The following ZNF778 variants were observed in gnomAD, a reference collection of about 807,000 sequenced individuals.
The protein encoded by ZNF778 is zinc finger protein 778.
ZNF778 carries 37 observed loss-of-function variants against 23.9 expected under a neutral mutation model. The observed-to-expected ratio is 1.54, with a 90% CI of 1.19 to 2.03. ZNF778 has a LOEUF of 2.03. Among genes scored for constraint, ZNF778 ranks in the 30% most tolerant of loss-of-function variants. The pLI, the probability that ZNF778 is intolerant of heterozygous loss-of-function variation, is 0.00. For synonymous variants in ZNF778, 483 were observed against 343.9 expected, an observed-to-expected ratio of 1.40 and a Z score of -4.48; for missense variants, 1,297 against 934.4, an observed-to-expected ratio of 1.39 and a Z score of -5.06.
At chr16:89,221,332 A>T (rs2030919825) in intron 2 of ZNF778, among the ~76,000 whole-genome samples, 180 bp downstream of exon 2, 1 of 152,094 alleles carries the variant, frequency 6.6e-6, no homozygotes, top group Non-Finnish European at 1.5e-5. Context: ...TTGGGGAGGG[A>T]TGATGTGTAA....
rs572994499 is a variant in ZNF778, at chr16:89,228,621, C to G, written c.*59C>G. On this transcript the variant is annotated 3_prime_UTR_variant, in exon 7 of 7. Transcript: ENST00000433976. ...CATTCACGTTGAAGACATGAAAGACCTCTCGTTCTCCAGATGTCCATGACT... is the reference window on the plus strand; with the variant it reads ...CATTCACGTTGAAGACATGAAAGACGTCTCGTTCTCCAGATGTCCATGACT... 211 of 1,522,208 alleles carry G rather than the reference C, an allele frequency of 1.4e-4. 3 individuals carry two copies. In the African/African-American group the frequency reaches 2.6e-3, roughly 19 times the overall value. 94.3% of individuals were successfully genotyped at this position (1,522,208 alleles called of 1,614,324 possible). A position where few individuals can be genotyped will look rare whatever the true frequency, so the allele number is the denominator to read the frequency against.
At chr16:89,219,619 T>C (rs968784360) in intron 1 of ZNF778, among the ~76,000 whole-genome samples, 1 of 152,206 alleles carries the variant, frequency 6.6e-6, no homozygotes, top group African/African-American at 2.4e-5. Context: ...CTGAGTCTTA[T>C]CAGTGCTTGC....
At position 89,232,419 on chromosome 16, in the gene ZNF778, C is replaced by T. The variant is rs2031972557; in HGVS notation, c.*3857C>T. 1 of 326,132 alleles carries T rather than the reference C, an allele frequency of 3.1e-6. No homozygotes were observed. The allele number at this position is 326,132 out of a possible 1,614,324, so 20.2% of individuals were successfully genotyped here. A position where few individuals can be genotyped will look rare whatever the true frequency, so the allele number is the denominator to read the frequency against. ...GTTACCCACAGCCTCAGATATGTAGCAACACAGACAGACTAAGACACCAAG... is the reference window on the plus strand; with the variant it reads ...GTTACCCACAGCCTCAGATATGTAGTAACACAGACAGACTAAGACACCAAG... On this transcript the variant is annotated 3_prime_UTR_variant, in exon 7 of 7. Coordinates refer to ENST00000433976, the MANE Select transcript of ZNF778 (RefSeq NM_001201407.2).
At position 89,228,970 on chromosome 16, in the gene ZNF778, G is replaced by C; in HGVS notation, c.*408G>C. On this transcript the variant is annotated 3_prime_UTR_variant, in exon 7 of 7. Transcript: ENST00000433976. ...TGGTGATTGACACTTGAAGTGTTGT[G>C]AATGTATGGAAGATAGCAGTCGCTT... The C allele has an allele frequency of 3.0e-6, 3 of 999,946 alleles. No homozygotes were observed. The highest frequency in any genetic ancestry group is 3.6e-6 in the Non-Finnish European group (3 of 839,040). 61.9% of individuals were successfully genotyped at this position (999,946 alleles called of 1,614,324 possible).
In ZNF778 at chr16:89,227,241, C is replaced by T. The variant is rs571194912; in HGVS notation, c.953C>T (p.Ser318Phe). Residue 318 changes from serine to phenylalanine, a missense_variant, in exon 7 of 7, where the codon TCC (serine) becomes TTC (phenylalanine). By Grantham distance (155) the Ser-to-Phe change is radical. Coordinates refer to ENST00000433976, the MANE Select transcript of ZNF778 (RefSeq NM_001201407.2). ...PCELEECGKA[S>F]PVSSSLTQHV... ...GAATTGGAAGAATGTGGAAAAGCCTCCCCTGTTTCTTCCAGCCTAACTCAA... is the reference window on the plus strand; with the variant it reads ...GAATTGGAAGAATGTGGAAAAGCCTTCCCTGTTTCTTCCAGCCTAACTCAA... 6.2e-7 allele frequency: 1 copy of T among 1,613,290 alleles called. No individual in the cohort carries two copies. Among genetic ancestry groups the T allele is most frequent in the Non-Finnish European group, 8.5e-7 (1 of 1,179,454 alleles).
intron 1 of ZNF778, among the ~76,000 whole-genome samples, chr16:89,220,525 G>A (rs2030826339): frequency 6.6e-6 from 1 of 152,182 alleles, no homozygotes; most frequent in African/African-American, 2.4e-5. Context: ...GGGTGTGGTG[G>A]CACTCGCCTG....
rs770573700 is a variant in ZNF778 at position 89,228,565 on chromosome 16, T to C, written c.*3T>C. 6.4e-7 allele frequency: 1 copy of C among 1,563,918 alleles called. No homozygotes were observed. The highest frequency in any genetic ancestry group is 8.6e-7 in the Non-Finnish European group (1 of 1,159,816). On this transcript the variant is annotated 3_prime_UTR_variant, in exon 7 of 7. Coordinates refer to ENST00000433976, the MANE Select transcript of ZNF778 (RefSeq NM_001201407.2). ...ACACTGATGAGAAACCTTTCTAATG[T>C]AAAGAATGTGGGGAAGCTGTCAGCT...
rs974800686 is a variant in ZNF778 at position 89,231,687 on chromosome 16, C to G, written c.*3125C>G. The stretch of plus-strand genomic sequence containing the variant: ...CTGCACCCCTTGCCTGTAGGAAAAT[C>G]TGGTAGGAGTTAGTAGTGTCTGTGA... On this transcript the variant is annotated 3_prime_UTR_variant, in exon 7 of 7. Transcript: ENST00000433976. The G allele has an allele frequency of 3.3e-5, 5 of 152,156 alleles. No individual in the cohort carries two copies. The highest frequency in any genetic ancestry group is 1.2e-4 in the African/African-American group (5 of 41,402). 9.4% of individuals were successfully genotyped at this position (152,156 alleles called of 1,614,324 possible).
intron 4 of ZNF778, among the ~76,000 whole-genome samples, 165 bp downstream of exon 4, chr16:89,223,448 C>T (rs1052413758): frequency 6.6e-6 from 1 of 152,140 alleles, no homozygotes; most frequent in African/African-American, 2.4e-5. Flanking sequence ...AGAATGTGGT[C>T]CTGGGGTCAT....
At position 89,228,043 on chromosome 16, in the gene ZNF778, A is replaced by C; in HGVS notation, c.1755A>C (p.Gly585=). ...CLNKHIQIHT[G]IKPYECKDCG... is the part of the protein sequence containing the mutation. ...ATAAGCACATTCAGATTCACACTGG[A>C]ATAAAACCTTATGAATGTAAGGACT... The change falls in exon 7 of 7, where the codon GGA becomes GGC. Residue 585 remains glycine (G), a synonymous_variant. Coordinates refer to ENST00000433976, the MANE Select transcript of ZNF778 (RefSeq NM_001201407.2). 6.3e-7 allele frequency: 1 copy of C among 1,589,536 alleles called. No homozygotes were observed. The highest frequency in any genetic ancestry group is 1.1e-5 in the South Asian group (1 of 88,122).
chr16:89,228,143 T>A lies in ZNF778; in HGVS notation c.1855T>A (p.Cys619Ser). Reference sequence around the variant, plus strand: ...TCACACTGGAGAGAAACCTTATGAATGTAAAGTATGCGGAAAGGCCTTCAC... The same window carrying A: ...TCACACTGGAGAGAAACCTTATGAAAGTAAAGTATGCGGAAAGGCCTTCAC... ...RTHTGEKPYE[C>S]KVCGKAFTTS... Residue 619 changes from cysteine (C) to serine (S), a missense_variant, in exon 7 of 7, where the codon TGT (cysteine) becomes AGT (serine). Transcript: ENST00000433976. The A allele has an allele frequency of 1.9e-6, 3 of 1,613,610 alleles. No homozygotes were observed. Among genetic ancestry groups the A allele is most frequent in the Non-Finnish European group, 8.5e-7 (1 of 1,179,674 alleles).
rs201041202 is a variant in ZNF778 at position 89,227,253 on chromosome 16, C to T, written c.965C>T (p.Ser322Phe). 65 of 1,613,928 alleles carry T rather than the reference C, an allele frequency of 4.0e-5. No homozygotes were observed. In the African/African-American group the frequency reaches 8.1e-4, roughly 20 times the overall value. Reference sequence around the variant, plus strand: ...TGTGGAAAAGCCTCCCCTGTTTCTTCCAGCCTAACTCAACATGTAAGAATT... The same window carrying T: ...TGTGGAAAAGCCTCCCCTGTTTCTTTCAGCCTAACTCAACATGTAAGAATT... Reference protein sequence around the residue: ...EECGKASPVSSSLTQHVRIHA... With the variant: ...EECGKASPVSFSLTQHVRIHA... Residue 322 changes from serine (S) to phenylalanine (F), a missense_variant, in exon 7 of 7, where the codon TCC (serine) becomes TTC (phenylalanine). Transcript: ENST00000433976.
At position 89,227,921 on chromosome 16, in the gene ZNF778, G is replaced by GT; in HGVS notation, c.1636dup (p.Tyr546LeufsTer5). 6.2e-7 allele frequency: 1 copy of GT among 1,613,336 alleles called. No individual in the cohort carries two copies. The highest frequency in any genetic ancestry group is 1.1e-5 in the South Asian group (1 of 91,006). On this transcript the variant is annotated frameshift_variant, in exon 7 of 7. Coordinates refer to ENST00000433976, the MANE Select transcript of ZNF778 (RefSeq NM_001201407.2). LOFTEE classifies it low-confidence loss of function (END_TRUNC). Reference sequence around the variant, plus strand: ...GGACTGTGGGAAAGCCTACAATAGGGTTTATCTACTGAATGAGCATGTGAA... The same window carrying GT: ...GGACTGTGGGAAAGCCTACAATAGGGTTTTATCTACTGAATGAGCATGTGAA...
Position 89,232,399 on chromosome 16 carries a change from C to T in ZNF778, c.*3837C>T, listed in dbSNP as rs2031971437. On this transcript the variant is annotated 3_prime_UTR_variant, in exon 7 of 7. Coordinates refer to ENST00000433976, the MANE Select transcript of ZNF778 (RefSeq NM_001201407.2). ...CCAAATAAGCCTCTTTCTAAGTTAC[C>T]CACAGCCTCAGATATGTAGCAACAC... 1 of 303,216 alleles carries T rather than the reference C, an allele frequency of 3.3e-6. No individual in the cohort carries two copies. The allele number at this position is 303,216 out of a possible 1,614,324, so 18.8% of individuals were successfully genotyped here. A position where few individuals can be genotyped will look rare whatever the true frequency, so the allele number is the denominator to read the frequency against.
Position 89,232,889 on chromosome 16 carries a change from TCGCACTGCGTATGCAACTCAAC to T in ZNF778, c.*4328_*4349del, listed in dbSNP as rs2032011527. On this transcript the variant is annotated 3_prime_UTR_variant, in exon 7 of 7. Coordinates refer to ENST00000433976, the MANE Select transcript of ZNF778 (RefSeq NM_001201407.2). ...ACTCGCACTGCGTATGCAACTCAACTCGCACTGCGTATGCAACTCAACTCGCACTGCGTATGCGAATCCACTC... is the reference window on the plus strand; with the variant it reads ...ACTCGCACTGCGTATGCAACTCAACTTCGCACTGCGTATGCGAATCCACTC... 7.9e-7 allele frequency: 1 copy of T among 1,266,510 alleles called. No homozygotes were observed. The highest frequency in any genetic ancestry group is 1.5e-5 in the African/African-American group (1 of 64,578). 78.5% of individuals were successfully genotyped at this position (1,266,510 alleles called of 1,614,324 possible).
At position 89,233,509 on chromosome 16, in the gene ZNF778, T is replaced by G; in HGVS notation, c.*4947T>G. ...ACTGCGTATGCAACTCAGCTTGCTC[T>G]GTGTATGCAACTCAACTCGCACTGC... is the stretch of plus-strand genomic sequence containing the variant. On this transcript the variant is annotated 3_prime_UTR_variant, in exon 7 of 7. Coordinates refer to ENST00000433976, the MANE Select transcript of ZNF778 (RefSeq NM_001201407.2). 1 of 1,270,868 alleles carries G rather than the reference T, an allele frequency of 7.9e-7. No homozygotes were observed. Among genetic ancestry groups the G allele is most frequent in the Non-Finnish European group, 1.0e-6 (1 of 976,014 alleles). The allele number at this position is 1,270,868 out of a possible 1,614,324, so 78.7% of individuals were successfully genotyped here. A position where few individuals can be genotyped will look rare whatever the true frequency, so the allele number is the denominator to read the frequency against.
In ZNF778 at chr16:89,233,366, C is replaced by T. The variant is rs577509233; in HGVS notation, c.*4804C>T. 16 of 800,690 alleles carry T rather than the reference C, an allele frequency of 2.0e-5. 2 individuals are homozygous for T. The South Asian group carries it at 2.9e-4, about 14-fold the overall frequency. The allele number at this position is 800,690 out of a possible 1,614,324, so 49.6% of individuals were successfully genotyped here. ...CTCAGCTCGCACTGCGTATGCAACT[C>T]GCACTGCGTATGCAACTCAACTCGC... On this transcript the variant is annotated 3_prime_UTR_variant, in exon 7 of 7. Coordinates refer to ENST00000433976, the MANE Select transcript of ZNF778 (RefSeq NM_001201407.2).
At chr16:89,226,623 G>T in intron 6 of ZNF778, 71 bp from the exon 7 acceptor site, 1 of 1,364,806 alleles carries the variant, frequency 7.3e-7, no homozygotes. Flanking sequence ...GTCATGCTCT[G>T]TCTTCAGCTG....
In ZNF778 at chr16:89,233,876, A is replaced by G. The variant is rs1814535779; in HGVS notation, c.*5314A>G. ...CTTTTTCTAACTACCACACCAAGCC[A>G]GTATTTCTCCTCCCTGAAGTCAGCC... is the stretch of plus-strand genomic sequence containing the variant. On this transcript the variant is annotated 3_prime_UTR_variant, in exon 7 of 7. Coordinates refer to ENST00000433976, the MANE Select transcript of ZNF778 (RefSeq NM_001201407.2). 2.3e-6 allele frequency: 3 copies of G among 1,289,630 alleles called. No individual in the cohort carries two copies. Among genetic ancestry groups the G allele is most frequent in the Non-Finnish European group, 3.0e-6 (3 of 989,084 alleles). The allele number at this position is 1,289,630 out of a possible 1,614,324, so 79.9% of individuals were successfully genotyped here.
Sources: allele counts gnomAD v4.1 joint callset (sites outside exome capture counted in the v4.1 genomes callset), GRCh38; gene constraint gnomAD v4.1.1; transcripts MANE v1.5; gene names NCBI Gene and HGNC (gene_info 2026-07-23, HGNC 2026-07-21).